HDAC4: variants seen among roughly 807,000 people sequenced by gnomAD.
HDAC4 encodes the protein histone deacetylase 4.
A neutral mutation model predicts 135.1 loss-of-function variants in HDAC4; 16 were observed. The observed-to-expected ratio is 0.12, with a 90% confidence interval of 0.08 to 0.18. HDAC4 has a LOEUF of 0.18. Ranked by LOEUF, HDAC4 falls within the 10% of genes least tolerant of loss-of-function variation. The probability of loss-of-function intolerance (pLI) is 1.00; values close to 1 mark genes in which losing one functional copy is unlikely to be tolerated. For synonymous variants in HDAC4, 685 were observed against 653.4 expected, an observed-to-expected ratio of 1.05 and a Z score of -0.74; for missense variants, 1,143 against 1,511.8, an observed-to-expected ratio of 0.76 and a Z score of 4.05.
At position 239,115,293 on chromosome 2, in the gene HDAC4, G is replaced by A. The variant is rs530924100; in HGVS notation, c.1551C>T (p.Ser517=). The part of the protein sequence containing the change: ...LQMNKIIPKP[S]EPARQPESHP... ...GGCTCTCCGGCTGCCGGGCTGGCTC[G>A]CTTGGCTTGGGGATGATCTGCAAGG... The change falls in exon 13 of 27, where the codon AGC becomes AGT. Residue 517 remains serine, a synonymous_variant. Transcript: ENST00000543185. This position sits in a 1 kb window ranked among gnomAD's most constrained non-coding sequence, Gnocchi z 6.3. The A allele has an allele frequency of 4.9e-5, 79 of 1,613,222 alleles. No homozygotes were observed. The East Asian group carries it at 9.1e-4, about 19-fold the overall frequency.
chr2:239,247,517 G>T (rs989345668), intron 2 of HDAC4, among the ~76,000 whole-genome samples: 1 of 152,144 alleles, frequency 6.6e-6, no homozygotes, highest in South Asian at 2.1e-4. Context: ...TGCCGCAGCC[G>T]GGGCCCGTGC....
upstream of HDAC4, chr2:239,401,614 C>G (rs1183060367): frequency 4.0e-6 from 1 of 249,856 alleles, no homozygotes; most frequent in Non-Finnish European, 7.9e-6. Flanking sequence ...GGGGAGCCGG[C>G]CAGGCCTCGC....
At chr2:239,080,821 C>G (rs1180318524) in intron 22 of HDAC4, 1 of 531,562 alleles carries the variant, frequency 1.9e-6, no homozygotes, top group Non-Finnish European at 3.4e-6. Flanking sequence ...GTCCCTGCCT[C>G]TGTCTCCATC....
At chr2:239,232,529 C>A (rs984251431) in intron 3 of HDAC4, among the ~76,000 whole-genome samples, 1 of 150,532 alleles carries the variant, frequency 6.6e-6, no homozygotes, top group African/African-American at 2.4e-5. Context: ...GGTGTCAAGT[C>A]TCCTCCAAGG....
At chr2:239,290,394 A>G (rs1456101413) in intron 2 of HDAC4, among the ~76,000 whole-genome samples, 2 of 152,204 alleles carry the variant, frequency 1.3e-5, no homozygotes, top group African/African-American at 4.8e-5. Flanking sequence ...GATGTCCAGC[A>G]CCAATGAGTG....
chr2:239,098,580 G>A (rs2037329706), intron 16 of HDAC4, among the ~76,000 whole-genome samples: 1 of 152,244 alleles, frequency 6.6e-6, no homozygotes, highest in Non-Finnish European at 1.5e-5. Flanking sequence ...TAGGGCAGCG[G>A]CCAGCCTGCC....
At chr2:239,238,238 T>C (rs1014344886) in intron 2 of HDAC4, among the ~76,000 whole-genome samples, 3 of 152,116 alleles carry the variant, frequency 2.0e-5, no homozygotes, top group Non-Finnish European at 4.4e-5. Context: ...ATTTTTATAA[T>C]AAATAAAAAT....
At chr2:239,316,159 C>T (rs1165756122) in intron 2 of HDAC4, among the ~76,000 whole-genome samples, 5 of 152,210 alleles carry the variant, frequency 3.3e-5, no homozygotes, top group Admixed American at 6.5e-5. Context: ...CACTCCAAAG[C>T]CCCGTGGGAA....
At chr2:239,219,573 C>T (rs2046836128) in intron 3 of HDAC4, among the ~76,000 whole-genome samples, 1 of 151,854 alleles carries the variant, frequency 6.6e-6, no homozygotes, top group Non-Finnish European at 1.5e-5. Context: ...ACATATGTAA[C>T]TAACCTGCAC....
At position 239,111,583 on chromosome 2, in the gene HDAC4, A is replaced by C; in HGVS notation, c.1921T>G (p.Ser641Ala). The part of the protein sequence containing the change: ...PLSRAQSSPA[S>A]ATFPVSVQEP... ...TGCACAGACACGGGGAAGGTGGCAG[A>C]CGCGGGTGAGGACTGCGCCCGGGAC... The change falls in exon 14 of 27, where the codon TCT becomes GCT. Residue 641 changes from serine (S) to alanine (A), a missense_variant. Ser to Ala is a moderately conservative substitution (Grantham distance 99). Around this residue, in one of 9 missense-constraint regions of HDAC4, gnomAD observed 196 missense variants for 210.7 expected, o/e 0.93. Transcript: ENST00000543185. 6.2e-7 allele frequency: 1 copy of C among 1,612,162 alleles called. No homozygotes were observed. Among genetic ancestry groups the C allele is most frequent in the Non-Finnish European group, 8.5e-7 (1 of 1,179,686 alleles).
chr2:239,143,834 T>C (rs1012496419), intron 8 of HDAC4, among the ~76,000 whole-genome samples: 1 of 152,222 alleles, frequency 6.6e-6, no homozygotes, highest in Non-Finnish European at 1.5e-5. Flanking sequence ...GGCCTTCAAG[T>C]TGAACACTTT....
intron 22 of HDAC4, among the ~76,000 whole-genome samples, chr2:239,079,898 G>A (rs920688486): frequency 2.0e-5 from 3 of 152,172 alleles, no homozygotes; most frequent in Non-Finnish European, 4.4e-5. Context: ...TCAGAGATAT[G>A]CACACACACG....
chr2:239,176,273 TCCC>T (rs2043760853), intron 5 of HDAC4, 137 bp downstream of exon 5: 1 of 1,505,230 alleles, frequency 6.6e-7, no homozygotes, highest in African/African-American at 1.6e-5. Flanking sequence ...CTGCCCGGCC[TCCC>T]TCCCTCTGCC....
At chr2:239,170,254 G>A (rs917811006) in intron 5 of HDAC4, among the ~76,000 whole-genome samples, 1 of 152,002 alleles carries the variant, frequency 6.6e-6, no homozygotes, top group Non-Finnish European at 1.5e-5. Context: ...CATAATATAG[G>A]CATAATAATA....
intron 22 of HDAC4, among the ~76,000 whole-genome samples, chr2:239,071,909 T>TC (rs1351657511): frequency 1.3e-5 from 2 of 152,190 alleles, no homozygotes; most frequent in African/African-American, 2.4e-5. Context: ...TTGTGGGTCC[T>TC]CTACAATTAG....
At chr2:239,244,135 C>T (rs2048343255) in intron 2 of HDAC4, among the ~76,000 whole-genome samples, 1 of 152,208 alleles carries the variant, frequency 6.6e-6, no homozygotes, top group South Asian at 2.1e-4. Flanking sequence ...GCCCCGATAC[C>T]TTCAAACCGA....
chr2:239,330,392 T>C (rs1691490525), intron 2 of HDAC4, among the ~76,000 whole-genome samples: 1 of 152,204 alleles, frequency 6.6e-6, no homozygotes, highest in Non-Finnish European at 1.5e-5. Context: ...CAAGGGCCAC[T>C]GGGGCCTGCA....
intron 1 of HDAC4, among the ~76,000 whole-genome samples, chr2:239,397,618 G>A (rs187733219): frequency 1.1e-4 from 17 of 152,272 alleles, no homozygotes; most frequent in Non-Finnish European, 2.1e-4. Flanking sequence ...CTGCAGCAAG[G>A]GGACATGGCC....
chr2:239,323,177 A>T (rs2125776273), intron 2 of HDAC4, among the ~76,000 whole-genome samples: 1 of 152,352 alleles, frequency 6.6e-6, no homozygotes, highest in African/African-American at 2.4e-5. Flanking sequence ...ATTTTTAAAT[A>T]CTGAAATATT....
Sources: gnomAD v4.1 joint callset for allele counts (sites outside exome capture counted in the v4.1 genomes callset) on GRCh38, gnomAD v4.1.1 for gene constraint, gnomAD v4.1.1 regional missense constraint, Gnocchi (gnomAD v3.1) non-coding constraint, MANE v1.5 for transcripts, NCBI Gene and HGNC (gene_info 2026-07-23, HGNC 2026-07-21) for gene names.